ANGPT1: variants seen among roughly 807,000 people sequenced by gnomAD.
ANGPT1 encodes the protein angiopoietin 1.
In ANGPT1, 17 loss-of-function variants were observed where a neutral mutation model predicts 62.2. That is an observed-to-expected ratio of 0.27 (90% CI 0.19 to 0.41). The LOEUF is 0.41. Among genes scored for constraint, ANGPT1 ranks in the 10% least tolerant of loss-of-function variants. The pLI is 1.00. For missense variants in ANGPT1, 478 were observed against 594.9 expected, an observed-to-expected ratio of 0.80 and a Z score of 2.04; for synonymous variants, 199 against 198.9, an observed-to-expected ratio of 1.00 and a Z score of 0.00.
intron 7 of ANGPT1, chr8:107,284,321 T>A (rs1309130587): frequency 1.3e-5 from 2 of 154,086 alleles, no homozygotes; most frequent in Non-Finnish European, 2.9e-5. Flanking sequence ...CCAGAAAATC[T>A]TTTTTTAGAA....
intron 4 of ANGPT1, among the ~76,000 whole-genome samples, chr8:107,306,870 C>A (rs1309573765): frequency 6.6e-6 from 1 of 151,414 alleles, no homozygotes; most frequent in African/African-American, 2.4e-5. Context: ...TACAGTGAGA[C>A]CATGTCTCTT....
intron 7 of ANGPT1, among the ~76,000 whole-genome samples, chr8:107,265,777 C>T (rs1813599581): frequency 6.6e-6 from 1 of 152,036 alleles, no homozygotes; most frequent in African/African-American, 2.4e-5. Flanking sequence ...CTGAGCAAAA[C>T]ATTACATTAT....
chr8:107,434,908 T>C (rs1308358929), intron 1 of ANGPT1, among the ~76,000 whole-genome samples: 1 of 152,196 alleles, frequency 6.6e-6, no homozygotes, highest in Non-Finnish European at 1.5e-5. Context: ...TAAACTGCAG[T>C]CAAATTCATT....
At chr8:107,474,090 C>T (rs561719532) in intron 1 of ANGPT1, among the ~76,000 whole-genome samples, 32 of 152,070 alleles carry the variant, frequency 2.1e-4, no homozygotes, top group East Asian at 7.7e-4. Context: ...CATTTCATGA[C>T]GCCAGCATCA....
At chr8:107,470,741 T>C (rs923540670) in intron 1 of ANGPT1, among the ~76,000 whole-genome samples, 1 of 152,078 alleles carries the variant, frequency 6.6e-6, no homozygotes, top group Non-Finnish European at 1.5e-5. Context: ...GCAAAGGATA[T>C]GAACAGACAC....
At chr8:107,356,207 G>A (rs1393949623) in intron 1 of ANGPT1, among the ~76,000 whole-genome samples, 1 of 152,130 alleles carries the variant, frequency 6.6e-6, no homozygotes, top group Non-Finnish European at 1.5e-5. Flanking sequence ...GTCTTACTAT[G>A]TCTTTCTACT....
chr8:107,299,976 T>A (rs1426862090), intron 5 of ANGPT1, among the ~76,000 whole-genome samples: 1 of 139,776 alleles, frequency 7.2e-6, no homozygotes, highest in African/African-American at 2.6e-5. Context: ...ATACTAGTTA[T>A]ATCTAGATAT....
intron 3 of ANGPT1, among the ~76,000 whole-genome samples, chr8:107,329,715 G>C (rs954116003): frequency 6.6e-6 from 1 of 151,788 alleles, no homozygotes; most frequent in Admixed American, 6.6e-5. Flanking sequence ...AATGGCATTT[G>C]TTGGGTTAGA....
intron 1 of ANGPT1, among the ~76,000 whole-genome samples, chr8:107,444,699 C>A (rs773137923): frequency 1.3e-5 from 2 of 152,140 alleles, no homozygotes; most frequent in Non-Finnish European, 2.9e-5. Flanking sequence ...GGACTATCTA[C>A]AGGTTCAGGC....
chr8:107,281,734 C>T lies in ANGPT1; in HGVS notation c.1205+2948G>A, dbSNP rs533720755. The stretch of plus-strand genomic sequence containing the variant: ...CGGAGGTTGCAGTGAGCCGAGATCG[C>T]GCCATTGCACTCCAGCCTGGGCGAT... On this transcript the variant is annotated intron_variant, in intron 7 of 8. Coordinates refer to ENST00000517746, the MANE Select transcript of ANGPT1 (RefSeq NM_001146.5). 1.6e-3 allele frequency among the ~76,000 whole-genome samples: 249 copies of T among 152,176 alleles called. 1 individual carries two copies. Among genetic ancestry groups the T allele is most frequent in the Non-Finnish European group, 1.2e-3 (81 of 68,004 alleles).
intron 1 of ANGPT1, among the ~76,000 whole-genome samples, chr8:107,360,407 T>C (rs930692088): frequency 9.9e-5 from 15 of 152,084 alleles, no homozygotes; most frequent in African/African-American, 3.6e-4. Flanking sequence ...AGAGCCCAAA[T>C]ATTGCAGTCG....
At chr8:107,327,765 T>G (rs532646989) in intron 3 of ANGPT1, among the ~76,000 whole-genome samples, 14 of 152,206 alleles carry the variant, frequency 9.2e-5, no homozygotes, top group Middle Eastern at 3.4e-3. Flanking sequence ...ATGCATAGAA[T>G]TCTGGCACTT....
At chr8:107,357,935 A>C (rs1445404125) in intron 1 of ANGPT1, among the ~76,000 whole-genome samples, 2 of 152,120 alleles carry the variant, frequency 1.3e-5, no homozygotes, top group African/African-American at 4.8e-5. Flanking sequence ...TTAGGCTGTT[A>C]TTACCTTTTC....
At chr8:107,451,454 A>G (rs1811776964) in intron 1 of ANGPT1, among the ~76,000 whole-genome samples, 1 of 151,914 alleles carries the variant, frequency 6.6e-6, no homozygotes, top group Non-Finnish European at 1.5e-5. Flanking sequence ...AATTTATGAC[A>G]AGGGGAGAGA....
In ANGPT1 at chr8:107,322,132, C is replaced by T. The variant is rs754318175; in HGVS notation, c.576-4G>A. On this transcript the variant is annotated splice_polypyrimidine_tract_variant and splice_region_variant and intron_variant, in intron 3 of 8. Coordinates refer to ENST00000517746, the MANE Select transcript of ANGPT1 (RefSeq NM_001146.5). ...TAAGATTTTATGTTCTAATAAACTA[C>T]AAGGAAGTGAAAATAAAACTTAGAT... The T allele has an allele frequency of 6.3e-7, 1 of 1,587,558 alleles. No individual in the cohort carries two copies. The highest frequency in any genetic ancestry group is 2.2e-5 in the East Asian group (1 of 44,604).
intron 1 of ANGPT1, among the ~76,000 whole-genome samples, chr8:107,439,131 T>C (rs1811407469): frequency 2.0e-5 from 3 of 152,190 alleles, no homozygotes; most frequent in Admixed American, 2.0e-4. Flanking sequence ...CACTCAGACT[T>C]ATAGGAAATC....
chr8:107,367,105 A>G (rs1333861059), intron 1 of ANGPT1, among the ~76,000 whole-genome samples: 1 of 152,170 alleles, frequency 6.6e-6, no homozygotes, highest in Non-Finnish European at 1.5e-5. Context: ...ACTATATGAG[A>G]TGATAAATAT....
At chr8:107,401,894 A>C (rs1159415287) in intron 1 of ANGPT1, among the ~76,000 whole-genome samples, 2 of 152,210 alleles carry the variant, frequency 1.3e-5, no homozygotes, top group Non-Finnish European at 2.9e-5. Context: ...TCAGTGCTCA[A>C]AACTACAATA....
Position 107,289,181 on chromosome 8 carries a change from A to G in ANGPT1, c.1039-4333T>C, listed in dbSNP as rs77698173. Among the ~76,000 whole-genome samples the G allele has an allele frequency of 4.4e-3, 667 of 152,260 alleles. 6 individuals are homozygous for G. Among genetic ancestry groups the G allele is most frequent in the African/African-American group, 0.015 (632 of 41,574 alleles). Reference sequence around the variant, plus strand: ...CTCTAACGCTCTAATAAAAGGATAAAAAGACACTGAAATTTAATCTGAACT... The same window carrying G: ...CTCTAACGCTCTAATAAAAGGATAAGAAGACACTGAAATTTAATCTGAACT... On this transcript the variant is annotated intron_variant, in intron 6 of 8. Coordinates refer to ENST00000517746, the MANE Select transcript of ANGPT1 (RefSeq NM_001146.5).
Sources: allele counts gnomAD v4.1 joint callset (sites outside exome capture counted in the v4.1 genomes callset), GRCh38; gene constraint gnomAD v4.1.1; transcripts MANE v1.5; gene names NCBI Gene and HGNC (gene_info 2026-07-23, HGNC 2026-07-21).